The following ZNF615 variants were observed in gnomAD, a reference collection of about 807,000 sequenced individuals.
ZNF615 encodes the protein zinc finger protein 615.
ZNF615 carries 15 observed loss-of-function variants against 15.3 expected under a neutral mutation model. That is an observed-to-expected ratio of 0.98 (90% CI 0.66 to 1.51). ZNF615 has a LOEUF of 1.51. Ranked by LOEUF, ZNF615 falls within the 40% of genes most tolerant of loss-of-function variation. The probability of loss-of-function intolerance (pLI) is 0.00; values close to 1 mark genes in which losing one functional copy is unlikely to be tolerated. For synonymous variants in ZNF615, 268 were observed against 294.6 expected (o/e 0.91, Z 0.92); for missense variants, 848 against 895.9 (o/e 0.95, Z 0.68).
chr19:52,001,706 G>C (rs774161849), intron 5 of ZNF615, 107 bp downstream of exon 5: 7 of 795,242 alleles, frequency 8.8e-6, no homozygotes, highest in Non-Finnish European at 1.3e-5. Context: ...AGGAGTGATG[G>C]AGGGGCTGTT....
intron 6 of ZNF615, among the ~76,000 whole-genome samples, chr19:51,998,651 A>G (rs2086509143): frequency 6.6e-6 from 1 of 152,198 alleles, no homozygotes; most frequent in Non-Finnish European, 1.5e-5. Context: ...TAGGCTATCA[A>G]AACACAAGTT....
Position 51,993,536 on chromosome 19 carries a change from A to G in ZNF615, c.1573T>C (p.Cys525Arg), listed in dbSNP as rs1409871762. ...RTHTGEKPYV[C>R]GECGKGFPAK... is the part of the protein sequence containing the mutation. ...GGAAAGCCTTTTCCACACTCACCAC[A>G]TACATAGGGTTTTTCTCCAGTATGA... The change falls in exon 7 of 7, where the codon TGT (cysteine) becomes CGT (arginine). Residue 525 changes from cysteine to arginine, a missense_variant. Coordinates refer to ENST00000598071, the MANE Select transcript of ZNF615 (RefSeq NM_001199324.2). 4 of 1,613,654 alleles carry G rather than the reference A, an allele frequency of 2.5e-6. No homozygotes were observed. Among genetic ancestry groups the G allele is most frequent in the Non-Finnish European group, 3.4e-6 (4 of 1,179,960 alleles).
At chr19:51,998,699 G>A (rs755528337) in intron 6 of ZNF615, among the ~76,000 whole-genome samples, 1 of 152,156 alleles carries the variant, frequency 6.6e-6, no homozygotes, top group Non-Finnish European at 1.5e-5. Context: ...TTGTCATCCA[G>A]CCTGGAGTGC....
At chr19:51,994,887 A>C in intron 6 of ZNF615, 50 bp from the exon 7 acceptor site, 1 of 1,469,056 alleles carries the variant, frequency 6.8e-7, no homozygotes, top group Non-Finnish European at 9.0e-7. Flanking sequence ...TTTTGAAATA[A>C]ACTATTTAAA....
intron 6 of ZNF615, among the ~76,000 whole-genome samples, chr19:51,995,536 C>T (rs1485613492): frequency 2.7e-5 from 4 of 150,456 alleles, no homozygotes; most frequent in Non-Finnish European, 5.9e-5. Context: ...AGTCACTATG[C>T]TCATGTTTGG....
chr19:51,994,285 T>G lies in ZNF615; in HGVS notation c.824A>C (p.Glu275Ala). ...TTTCTTGAGGAAGGTTTTGTCACAT[T>G]CAGTGCATTCATAATGTTTCAGTTC... is the stretch of plus-strand genomic sequence containing the variant. ...HTELKHYECTECDKTFLKKSQ... is the reference protein window; with the variant it reads ...HTELKHYECTACDKTFLKKSQ... The change falls in exon 7 of 7, where the codon GAA (glutamate) becomes GCA (alanine). Residue 275 changes from glutamate to alanine, a missense_variant. Physicochemically the swap from Glu to Ala is moderately radical, Grantham distance 107 (BLOSUM62 -1). Coordinates refer to ENST00000598071, the MANE Select transcript of ZNF615 (RefSeq NM_001199324.2). The G allele has an allele frequency of 6.2e-7, 1 of 1,614,200 alleles. No homozygotes were observed. The highest frequency in any genetic ancestry group is 1.7e-5 in the Admixed American group (1 of 60,028).
chr19:51,996,211 G>A lies in ZNF615; in HGVS notation c.272-1374C>T, dbSNP rs1010203232. Among the ~76,000 whole-genome samples the A allele has an allele frequency of 2.0e-5, 3 of 151,990 alleles. No individual in the cohort carries two copies. The East Asian group carries it at 5.8e-4, about 30-fold the overall frequency. ...TCAAGACCAGCCTGGCCAACATAGT[G>A]AAACTGTGTCTCTACTAAAAATACA... is the stretch of plus-strand genomic sequence containing the variant. On this transcript the variant is annotated intron_variant, in intron 6 of 6. Transcript: ENST00000598071.
chr19:52,005,248 G>A (rs2086718951), intron 2 of ZNF615, among the ~76,000 whole-genome samples: 1 of 149,698 alleles, frequency 6.7e-6, no homozygotes, highest in Admixed American at 6.7e-5. Flanking sequence ...GACAGAGTGA[G>A]ATTCTATCTC....
At chr19:52,007,243 G>C in intron 2 of ZNF615, 50 bp downstream of exon 2, 1 of 1,151,664 alleles carries the variant, frequency 8.7e-7, no homozygotes, top group Non-Finnish European at 1.2e-6. Flanking sequence ...GTCTAAAATT[G>C]AAATATTCTG....
At position 51,993,523 on chromosome 19, in the gene ZNF615, CCACACT is replaced by C; in HGVS notation, c.1580_1585del (p.Glu527_Cys528del). The stretch of plus-strand genomic sequence containing the variant: ...CCGGATCTTTGCTGGAAAGCCTTTT[CCACACT>C]CACCACATACATAGGGTTTTTCTCC... On this transcript the variant is annotated inframe_deletion, in exon 7 of 7. Coordinates refer to ENST00000598071, the MANE Select transcript of ZNF615 (RefSeq NM_001199324.2). The C allele has an allele frequency of 6.2e-7, 1 of 1,613,814 alleles. No homozygotes were observed. The highest frequency in any genetic ancestry group is 2.2e-5 in the East Asian group (1 of 44,840).
rs1600001958 is a variant in ZNF615 at position 52,000,342 on chromosome 19, A to G, written c.271+4T>C. The G allele has an allele frequency of 7.9e-6, 5 of 634,640 alleles. No homozygotes were observed. The highest frequency in any genetic ancestry group is 1.8e-5 in the African/African-American group (1 of 55,634). 39.3% of individuals were successfully genotyped at this position (634,640 alleles called of 1,614,324 possible). A position where few individuals can be genotyped will look rare whatever the true frequency, so the allele number is the denominator to read the frequency against. ...GCATCAGGCAATATATCCATGAGACAAACCTGCATATGCACCTCCTGATGC... is the reference window on the plus strand; with the variant it reads ...GCATCAGGCAATATATCCATGAGACGAACCTGCATATGCACCTCCTGATGC... On this transcript the variant is annotated splice_donor_region_variant and intron_variant, in intron 6 of 6. Transcript: ENST00000598071.
rs2086267927 is a variant in ZNF615, at chr19:51,992,704, T to G, written c.*176A>C. 2.8e-5 allele frequency: 23 copies of G among 818,438 alleles called. No individual in the cohort carries two copies. In the East Asian group the frequency reaches 5.7e-4, roughly 20 times the overall value. The allele number at this position is 818,438 out of a possible 1,614,324, so 50.7% of individuals were successfully genotyped here. A position where few individuals can be genotyped will look rare whatever the true frequency, so the allele number is the denominator to read the frequency against. On this transcript the variant is annotated 3_prime_UTR_variant, in exon 7 of 7. Transcript: ENST00000598071. ...CATAGGATTTTTCTCAGTATACAAT[T>G]TTTAGACATAATGTCCTAAAATATT...
chr19:51,997,273 C>G (rs2086466778), intron 6 of ZNF615, among the ~76,000 whole-genome samples: 1 of 152,066 alleles, frequency 6.6e-6, no homozygotes, highest in African/African-American at 2.4e-5. Flanking sequence ...CCACTGCACT[C>G]CAGCCTGGGT....
intron 3 of ZNF615, chr19:52,002,496 A>G (rs1477759822): frequency 7.4e-6 from 5 of 672,034 alleles, no homozygotes; most frequent in Admixed American, 6.3e-5. Context: ...AAATGTCTGT[A>G]ATACACAGCT....
In ZNF615 at chr19:51,991,995, T is replaced by G. The variant is rs1251319539; in HGVS notation, c.*885A>C. 2 of 152,102 alleles carry G rather than the reference T, an allele frequency of 1.3e-5. No individual in the cohort carries two copies. The highest frequency in any genetic ancestry group is 2.9e-5 in the Non-Finnish European group (2 of 68,028). 9.4% of individuals were successfully genotyped at this position (152,102 alleles called of 1,614,324 possible). ...CAAAAACATCTTATTTATATTAATT[T>G]CATAACACCTGATGTTACTTATAAA... On this transcript the variant is annotated 3_prime_UTR_variant, in exon 7 of 7. Transcript: ENST00000598071.
chr19:51,993,500 G>C lies in ZNF615; in HGVS notation c.1609C>G (p.Arg537Gly). The change falls in exon 7 of 7, where the codon CGG becomes GGG. Residue 537 changes from arginine to glycine, a missense_variant. Transcript: ENST00000598071. ...TGAGTTCGTTGATGTCCCATTAGCC[G>C]GATCTTTGCTGGAAAGCCTTTTCCA... ...ECGKGFPAKI[R>G]LMGHQRTHTG... 1 of 1,609,698 alleles carries C rather than the reference G, an allele frequency of 6.2e-7. No individual in the cohort carries two copies. The highest frequency in any genetic ancestry group is 8.5e-7 in the Non-Finnish European group (1 of 1,178,814).
Position 51,993,797 on chromosome 19 carries a change from G to T in ZNF615, c.1312C>A (p.Pro438Thr). The change falls in exon 7 of 7, where the codon CCT becomes ACT. Residue 438 changes from proline (P) to threonine (T), a missense_variant. Physicochemically the swap from Pro to Thr is conservative, Grantham distance 38. Coordinates refer to ENST00000598071, the MANE Select transcript of ZNF615 (RefSeq NM_001199324.2). ...TTTCCACACTCATTGCATTTATAAGGTTTCTCTCCAGTATGAGTTCGTTGA... is the reference window on the plus strand; with the variant it reads ...TTTCCACACTCATTGCATTTATAAGTTTTCTCTCCAGTATGAGTTCGTTGA... ...VHQRTHTGEK[P>T]YKCNECGKGF... is the part of the protein sequence containing the mutation. 1.2e-6 allele frequency: 2 copies of T among 1,614,134 alleles called. No homozygotes were observed. Among genetic ancestry groups the T allele is most frequent in the Non-Finnish European group, 1.7e-6 (2 of 1,180,020 alleles).
intron 5 of ZNF615, 122 bp from the exon 6 acceptor site, chr19:52,000,500 C>A: frequency 2.2e-6 from 1 of 458,558 alleles, no homozygotes. Context: ...TGGGAAGTTA[C>A]AGGCTAGTTG....
At chr19:52,007,717 A>C (rs2086795078) in intron 1 of ZNF615, among the ~76,000 whole-genome samples, 1 of 152,164 alleles carries the variant, frequency 6.6e-6, no homozygotes, top group South Asian at 2.1e-4. Flanking sequence ...CTTAACCCCC[A>C]AGACAGTTCC....
Sources: allele counts gnomAD v4.1 joint callset (sites outside exome capture counted in the v4.1 genomes callset), GRCh38; gene constraint gnomAD v4.1.1; transcripts MANE v1.5; gene names NCBI Gene and HGNC (gene_info 2026-07-23, HGNC 2026-07-21).